The following TFPI variants were observed in gnomAD, a reference collection of about 807,000 sequenced individuals.
TFPI encodes the protein anti-convertin.
A neutral mutation model predicts 34.6 loss-of-function variants in TFPI; 15 were observed. The ratio of observed to expected loss-of-function variants is 0.43; its 90% CI spans 0.29 to 0.67. TFPI has a LOEUF of 0.67. Ranked by LOEUF, TFPI falls within the 30% of genes least tolerant of loss-of-function variation. TFPI has a pLI of 0.15. For synonymous variants in TFPI, 105 were observed against 120.1 expected (o/e 0.87, Z 0.82); for missense variants, 301 against 364.0 (o/e 0.83, Z 1.41).
At position 187,529,102 on chromosome 2, in the gene TFPI, A is replaced by T. The variant is rs1574501539; in HGVS notation, c.-3+25098T>A. Among the ~76,000 whole-genome samples the T allele has an allele frequency of 3.3e-5, 5 of 152,218 alleles. No homozygotes were observed. In the South Asian group the frequency reaches 1.0e-3, roughly 32 times the overall value. On this transcript the variant is annotated intron_variant, in intron 1 of 7. Transcript: ENST00000233156. ...AGTTAACTGGTAAAAACAAACGAAC[A>T]CGAATAAAAAAGCCTCAATGCATAA...
In TFPI at chr2:187,525,901, T is replaced by C. The variant is rs967135228; in HGVS notation, c.-2-22131A>G. Among the ~76,000 whole-genome samples, 12 of 152,260 alleles carry C rather than the reference T, an allele frequency of 7.9e-5. No homozygotes were observed. In the East Asian group the frequency reaches 1.2e-3, roughly 15 times the overall value. ...AGCCAACTAAAACAGACTATAAAGC[T>C]TCAAATATCAGTTCCGTAACTTACT... On this transcript the variant is annotated intron_variant, in intron 1 of 7. Transcript: ENST00000233156.
chr2:187,477,520 A>G (rs1249335932), intron 6 of TFPI, among the ~76,000 whole-genome samples: 1 of 152,122 alleles, frequency 6.6e-6, no homozygotes, highest in Non-Finnish European at 1.5e-5. Context: ...GGCCTGTGGT[A>G]TGCAGCTGGA....
intron 1 of TFPI, among the ~76,000 whole-genome samples, chr2:187,539,099 T>C (rs1688432192): frequency 6.6e-6 from 1 of 152,076 alleles, no homozygotes; most frequent in South Asian, 2.1e-4. Context: ...TGTGTGTGTG[T>C]GTGTGTGTAT....
chr2:187,466,819 A>G lies in TFPI; in HGVS notation c.*117T>C, dbSNP rs1691737997. On this transcript the variant is annotated 3_prime_UTR_variant, in exon 8 of 8. Coordinates refer to ENST00000233156, the MANE Select transcript of TFPI (RefSeq NM_006287.6). ...CGTGTTGATAACAAGTACAATAAGCATAGAAAATTTAATGAACATATTAAT... is the reference window on the plus strand; with the variant it reads ...CGTGTTGATAACAAGTACAATAAGCGTAGAAAATTTAATGAACATATTAAT... The G allele has an allele frequency of 1.8e-6, 1 of 566,752 alleles. No homozygotes were observed. Among genetic ancestry groups the G allele is most frequent in the Non-Finnish European group, 3.0e-6 (1 of 334,466 alleles). The allele number at this position is 566,752 out of a possible 1,614,324, so 35.1% of individuals were successfully genotyped here.
intron 1 of TFPI, among the ~76,000 whole-genome samples, chr2:187,520,133 C>A (rs1258289126): frequency 6.6e-6 from 1 of 152,158 alleles, no homozygotes; most frequent in Non-Finnish European, 1.5e-5. Flanking sequence ...TCCCTGGCTT[C>A]AGCCCCCTTT....
At chr2:187,510,092 A>G (rs72906207) in intron 1 of TFPI, among the ~76,000 whole-genome samples, 2,021 of 152,264 alleles carry the variant, frequency 0.013, 41 homozygotes, top group Middle Eastern at 0.037. Flanking sequence ...GTCCAACTCC[A>G]GCTAACAGAG....
chr2:187,510,172 G>T (rs1686523285), intron 1 of TFPI, among the ~76,000 whole-genome samples: 1 of 152,070 alleles, frequency 6.6e-6, no homozygotes, highest in African/African-American at 2.4e-5. Flanking sequence ...CCTGTTCTTT[G>T]TTTCTCCAGT....
chr2:187,512,277 T>TAAAAAAAAAA (rs143585752), intron 1 of TFPI, among the ~76,000 whole-genome samples: 1 of 110,346 alleles, frequency 9.1e-6, no homozygotes, highest in African/African-American at 3.3e-5. Flanking sequence ...TATCCTAAGT[T>TAAAAAAAAAA]AAAAAAAAAA....
chr2:187,492,835 G>C (rs1685212214), intron 3 of TFPI, among the ~76,000 whole-genome samples: 1 of 152,162 alleles, frequency 6.6e-6, no homozygotes, highest in South Asian at 2.1e-4. Context: ...AGGCAGAAGG[G>C]ACTTGCCTTG....
rs1183043009 is a variant in TFPI, at chr2:187,464,306, C to G, written c.*2630G>C. On this transcript the variant is annotated 3_prime_UTR_variant, in exon 8 of 8. Transcript: ENST00000233156. ...TCGTTTGAGTGGTTTTCAGCATGATCTGTTAATTTTGAATACAGAGAATGA... is the reference window on the plus strand; with the variant it reads ...TCGTTTGAGTGGTTTTCAGCATGATGTGTTAATTTTGAATACAGAGAATGA... 1 of 152,098 alleles carries G rather than the reference C, an allele frequency of 6.6e-6. No individual in the cohort carries two copies. Among genetic ancestry groups the G allele is most frequent in the Non-Finnish European group, 1.5e-5 (1 of 67,998 alleles). The allele number at this position is 152,098 out of a possible 1,614,324, so 9.4% of individuals were successfully genotyped here.
At chr2:187,521,403 A>G (rs1687365111) in intron 1 of TFPI, among the ~76,000 whole-genome samples, 1 of 151,990 alleles carries the variant, frequency 6.6e-6, no homozygotes, top group African/African-American at 2.4e-5. Flanking sequence ...GAACATGGGA[A>G]TACAGATATC....
In TFPI at chr2:187,491,022, C is replaced by A. The variant is rs149589659; in HGVS notation, c.320-2647G>T. On this transcript the variant is annotated intron_variant, in intron 3 of 7. Coordinates refer to ENST00000233156, the MANE Select transcript of TFPI (RefSeq NM_006287.6). ...ACAACAATAATCTCATATTTTTCTC[C>A]TTCCTTCCTGTGTGCTTTAATTCTA... Among the ~76,000 whole-genome samples, 8 of 151,810 alleles carry A rather than the reference C, an allele frequency of 5.3e-5. No homozygotes were observed. In the East Asian group the frequency reaches 1.4e-3, roughly 26 times the overall value.
At chr2:187,485,010 A>ACACTTCTC in intron 4 of TFPI, 23 bp from the exon 5 acceptor site, 1 of 1,469,802 alleles carries the variant, frequency 6.8e-7, no homozygotes, top group Non-Finnish European at 9.0e-7. Flanking sequence ...AAAATGTCAG[A>ACACTTCTC]AAGCAATATT....
Position 187,496,913 on chromosome 2 carries a change from CTTTCAA to C in TFPI, c.281_286del (p.Phe94_Ser96delinsCys). 1 of 1,613,232 alleles carries C rather than the reference CTTTCAA, an allele frequency of 6.2e-7. No individual in the cohort carries two copies. Among genetic ancestry groups the C allele is most frequent in the Non-Finnish European group, 8.5e-7 (1 of 1,179,434 alleles). ...ACACATTTTTTTGCACTCTTCCAGACTTTCAAATCGATTCTGATTTCCTTCACATCC... is the reference window on the plus strand; with the variant it reads ...ACACATTTTTTTGCACTCTTCCAGACATCGATTCTGATTTCCTTCACATCC... On this transcript the variant is annotated inframe_deletion, in exon 3 of 8. Transcript: ENST00000233156.
intron 1 of TFPI, among the ~76,000 whole-genome samples, chr2:187,532,763 A>C (rs1024427341): frequency 5.9e-5 from 9 of 152,114 alleles, no homozygotes; most frequent in African/African-American, 2.2e-4. Flanking sequence ...GGCTTAAGCC[A>C]GGGAGGCAAG....
intron 6 of TFPI, among the ~76,000 whole-genome samples, chr2:187,472,165 A>G (rs1692077511): frequency 6.6e-6 from 1 of 152,138 alleles, no homozygotes; most frequent in Admixed American, 6.6e-5. Flanking sequence ...ATGTATTAAT[A>G]TAATATTCTA....
chr2:187,479,449 C>A (rs952492060), intron 6 of TFPI, among the ~76,000 whole-genome samples: 1 of 149,342 alleles, frequency 6.7e-6, no homozygotes, highest in Admixed American at 6.7e-5. Flanking sequence ...TCTGAGCTTT[C>A]TGATATCTAT....
chr2:187,488,110 T>C (rs1256608598), intron 4 of TFPI, among the ~76,000 whole-genome samples: 2 of 151,498 alleles, frequency 1.3e-5, no homozygotes, highest in Middle Eastern at 3.4e-3. Flanking sequence ...ATTATGTCCA[T>C]TGAATCATGC....
intron 1 of TFPI, among the ~76,000 whole-genome samples, chr2:187,549,343 G>C (rs1248999351): frequency 6.6e-6 from 1 of 152,052 alleles, no homozygotes; most frequent in Non-Finnish European, 1.5e-5. Context: ...AAGCAGGGGA[G>C]GAAGGACAAT....
Sources: gnomAD v4.1 joint callset for allele counts (sites outside exome capture counted in the v4.1 genomes callset) on GRCh38, gnomAD v4.1.1 for gene constraint, MANE v1.5 for transcripts, NCBI Gene and HGNC (gene_info 2026-07-23, HGNC 2026-07-21) for gene names.